Variants in POLQ observed in about 807,000 individuals in gnomAD.
The protein encoded by POLQ is epididymis secretory sperm binding protein.
In POLQ, 233 loss-of-function variants were observed where a neutral mutation model predicts 259.2. The observed-to-expected ratio is 0.90, with a 90% CI of 0.81 to 1.00. The LOEUF (loss-of-function observed/expected upper bound fraction) is 1.00, where lower values mean the gene tolerates loss of function less well. POLQ is among the 50% of genes least tolerant of loss of function. The probability of loss-of-function intolerance (pLI) is 0.00; values close to 1 mark genes in which losing one functional copy is unlikely to be tolerated. For synonymous variants in POLQ, 1,025 were observed against 1,048.8 expected, an observed-to-expected ratio of 0.98 and a Z score of 0.44; for missense variants, 2,871 against 3,051.6, an observed-to-expected ratio of 0.94 and a Z score of 1.39.
rs2048032864 is a variant in POLQ, at chr3:121,488,432, A to C, written c.4499T>G (p.Val1500Gly). The part of the protein sequence containing the change: ...LFDSFSDDYL[V>G]KEQLPDMQMK... ...TTGCATATCAGGTAATTGTTCTTTT[A>C]CTAGATAGTCATCACTGAAGCTATC... is the stretch of plus-strand genomic sequence containing the variant. Residue 1500 changes from valine (V) to glycine (G), a missense_variant, in exon 16 of 30, where the codon GTA (valine) becomes GGA (glycine). Physicochemically the swap from Val to Gly is moderately radical, Grantham distance 109. Coordinates refer to ENST00000264233, the MANE Select transcript of POLQ (RefSeq NM_199420.4). 1.2e-6 allele frequency: 2 copies of C among 1,612,708 alleles called. No individual in the cohort carries two copies. Among genetic ancestry groups the C allele is most frequent in the East Asian group, 4.5e-5 (2 of 44,838 alleles).
chr3:121,476,505 A>G (rs2047926637), intron 20 of POLQ, 35 bp downstream of exon 20: 2 of 1,471,304 alleles, frequency 1.4e-6, no homozygotes, highest in Non-Finnish European at 1.9e-6. Context: ...AACTCTAAAA[A>G]TTATGTATCT....
chr3:121,529,621 C>G, intron 7 of POLQ, 24 bp downstream of exon 7: 3 of 1,607,758 alleles, frequency 1.9e-6, no homozygotes, highest in Non-Finnish European at 2.6e-6. Context: ...AGCATGAAGG[C>G]TTTCCTTTCC....
At position 121,432,923 on chromosome 3, in the gene POLQ, C is replaced by A. The variant is rs768706265; in HGVS notation, c.7654G>T (p.Val2552Phe). 1 of 1,564,844 alleles carries A rather than the reference C, an allele frequency of 6.4e-7. No homozygotes were observed. Among genetic ancestry groups the A allele is most frequent in the Non-Finnish European group, 8.8e-7 (1 of 1,135,428 alleles). ...CACAAGCATTGCAAAAATACCTGAA[C>A]AACATCTTCTTCTGCCACTTCATAT... ...LLYEVAEEDV[V>F]QVAQIVKNEM... Residue 2552 changes from valine (V) to phenylalanine (F), a missense_variant, in exon 29 of 30, where the codon GTT becomes TTT. Physicochemically the swap from Val to Phe is conservative, Grantham distance 50 (BLOSUM62 -1). Transcript: ENST00000264233.
intron 25 of POLQ, among the ~76,000 whole-genome samples, chr3:121,453,689 T>TA (rs891663290): frequency 6.6e-6 from 1 of 151,364 alleles, no homozygotes; most frequent in African/African-American, 2.4e-5. Flanking sequence ...GAAAAAAGAG[T>TA]AAAAAGAAAC....
intron 8 of POLQ, among the ~76,000 whole-genome samples, chr3:121,520,900 C>CAA (rs2048331732): frequency 6.6e-6 from 1 of 152,050 alleles, no homozygotes. Flanking sequence ...ACGTGATGAA[C>CAA]AAAAACATGA....
Position 121,468,426 on chromosome 3 carries a change from T to G in POLQ, c.6724A>C (p.Ile2242Leu). Reference sequence around the variant, plus strand: ...TGAATATTTGGTTCTGTAAAGGTTATTCGTCCTAAAATCAAGCAGAATAAA... The same window carrying G: ...TGAATATTTGGTTCTGTAAAGGTTAGTCGTCCTAAAATCAAGCAGAATAAA... The part of the protein sequence containing the change: ...VSQSHTATGR[I>L]TFTEPNIQNV... Residue 2242 changes from isoleucine (I) to leucine (L), a missense_variant, in exon 23 of 30, where the codon ATA (isoleucine) becomes CTA (leucine). By Grantham distance (5) the Ile-to-Leu change is conservative. Around this residue, in one of 3 missense-constraint regions of POLQ, gnomAD observed 2,080 missense variants for 2,126.0 expected, o/e 0.98. Coordinates refer to ENST00000264233, the MANE Select transcript of POLQ (RefSeq NM_199420.4). The G allele has an allele frequency of 6.2e-7, 1 of 1,608,106 alleles. No homozygotes were observed. Among genetic ancestry groups the G allele is most frequent in the Non-Finnish European group, 8.5e-7 (1 of 1,175,444 alleles).
Position 121,545,877 on chromosome 3 carries a change from TG to T in POLQ, c.-1del. ...TTCCCACTCCGACGCAGAAGATTCA[TG>T]GCAAACTCTTCTCGGCCGATCAGGG... On this transcript the variant is annotated 5_prime_UTR_variant, in exon 1 of 30. Transcript: ENST00000264233. 6.2e-7 allele frequency: 1 copy of T among 1,613,790 alleles called. No individual in the cohort carries two copies. Among genetic ancestry groups the T allele is most frequent in the Non-Finnish European group, 8.5e-7 (1 of 1,179,968 alleles).
At chr3:121,464,668 C>T (rs1265362942) in intron 24 of POLQ, among the ~76,000 whole-genome samples, 1 of 152,134 alleles carries the variant, frequency 6.6e-6, no homozygotes, top group Non-Finnish European at 1.5e-5. Flanking sequence ...GAAAGTTCCA[C>T]AACCGACCTC....
chr3:121,459,983 C>G, intron 25 of POLQ, 67 bp downstream of exon 25: 1 of 1,223,814 alleles, frequency 8.2e-7, no homozygotes, highest in South Asian at 1.3e-5. Flanking sequence ...ATAATTGAGA[C>G]CATTTTTAAT....
At position 121,533,128 on chromosome 3, in the gene POLQ, C is replaced by T. The variant is rs761966956; in HGVS notation, c.822G>A (p.Val274=). 5 of 1,613,942 alleles carry T rather than the reference C, an allele frequency of 3.1e-6. No homozygotes were observed. Among genetic ancestry groups the T allele is most frequent in the Non-Finnish European group, 3.4e-6 (4 of 1,179,958 alleles). Reference sequence around the variant, plus strand: ...AGAGTTCAGCATTCAACCAGGAAGCCACAAGCTCCAAATTAGGAAGGGTAG... The same window carrying T: ...AGAGTTCAGCATTCAACCAGGAAGCTACAAGCTCCAAATTAGGAAGGGTAG... The part of the protein sequence containing the change: ...MSATLPNLEL[V]ASWLNAELYH... Residue 274 remains valine (V), a synonymous_variant, in exon 6 of 30, where the codon GTG becomes GTA. Transcript: ENST00000264233.
chr3:121,509,630 A>G lies in POLQ; in HGVS notation c.1890T>C (p.Asp630=). 1 of 1,613,764 alleles carries G rather than the reference A, an allele frequency of 6.2e-7. No individual in the cohort carries two copies. The highest frequency in any genetic ancestry group is 1.1e-5 in the South Asian group (1 of 91,072). ...TTGCTCTTTGCAGGTCAGCAAAAAT[A>G]TCTAAAGTATCAGCTGGAGAAAGTG... ...SSSLSPADTL[D]IFADLQRAMK... is the part of the protein sequence containing the mutation. Residue 630 remains aspartate (D), a synonymous_variant, in exon 12 of 30, where the codon GAT becomes GAC. Transcript: ENST00000264233.
intron 18 of POLQ, among the ~76,000 whole-genome samples, chr3:121,482,091 A>T (rs1316832079): frequency 3.3e-5 from 5 of 152,234 alleles, no homozygotes; most frequent in Admixed American, 3.3e-4. Flanking sequence ...TTGAAAAACA[A>T]GTGTGTCTCA....
At chr3:121,455,331 G>A (rs1176538937) in intron 25 of POLQ, among the ~76,000 whole-genome samples, 1 of 142,930 alleles carries the variant, frequency 7.0e-6, no homozygotes, top group African/African-American at 2.6e-5. Context: ...AACTAGAAAA[G>A]CAAGAGCAAA....
At position 121,494,176 on chromosome 3, in the gene POLQ, G is replaced by A. The variant is rs533495135; in HGVS notation, c.2279-455C>T. The A allele has an allele frequency of 2.5e-4, 275 of 1,093,234 alleles. No homozygotes were observed. The African/African-American group carries it at 3.9e-3, about 16-fold the overall frequency. 67.7% of individuals were successfully genotyped at this position (1,093,234 alleles called of 1,614,324 possible). A position where few individuals can be genotyped will look rare whatever the true frequency, so the allele number is the denominator to read the frequency against. On this transcript the variant is annotated intron_variant, in intron 14 of 29. Transcript: ENST00000264233. ...GGCCCCTGCTGTCGTGAAGAAGCAG[G>A]AGGCTAAGAAAGTGGTGAATCCCGT... is the stretch of plus-strand genomic sequence containing the variant.
intron 4 of POLQ, 34 bp downstream of exon 4, chr3:121,539,399 T>C: frequency 2.0e-6 from 3 of 1,496,078 alleles, no homozygotes; most frequent in Non-Finnish European, 2.8e-6. Flanking sequence ...AAAATAGCAA[T>C]AGAAAGTATT....
intron 12 of POLQ, among the ~76,000 whole-genome samples, chr3:121,502,159 T>A (rs1476892611): frequency 6.6e-6 from 1 of 152,204 alleles, no homozygotes; most frequent in Non-Finnish European, 1.5e-5. Flanking sequence ...TTCTCCTGAC[T>A]GATTTAAAAG....
rs2048488999 is a variant in POLQ at position 121,541,437 on chromosome 3, A to G, written c.386T>C (p.Ile129Thr). 2 of 1,611,750 alleles carry G rather than the reference A, an allele frequency of 1.2e-6. No individual in the cohort carries two copies. The highest frequency in any genetic ancestry group is 2.2e-5 in the South Asian group (2 of 90,668). The change falls in exon 3 of 30, where the codon ATT (isoleucine) becomes ACT (threonine). Residue 129 changes from isoleucine to threonine, a missense_variant. This residue lies in a region of POLQ where 783 missense variants were observed against 906.2 expected (regional missense o/e 0.86). Transcript: ENST00000264233. ...AGKTLVAELLILKRVLEMRKK... is the reference protein window; with the variant it reads ...AGKTLVAELLTLKRVLEMRKK... ...CCGCATTTCCAAAACCCGCTTCAAAATAAGTAATTCTGCCACAAGAGTCTT... is the reference window on the plus strand; with the variant it reads ...CCGCATTTCCAAAACCCGCTTCAAAGTAAGTAATTCTGCCACAAGAGTCTT...
At chr3:121,456,183 C>T (rs532596527) in intron 25 of POLQ, among the ~76,000 whole-genome samples, 114 of 152,240 alleles carry the variant, frequency 7.5e-4, no homozygotes, top group African/African-American at 1.0e-3. Context: ...AATTCAACAA[C>T]GCTTCATGCT....
At chr3:121,470,808 G>A (rs2047878128) in intron 22 of POLQ, among the ~76,000 whole-genome samples, 1 of 152,084 alleles carries the variant, frequency 6.6e-6, no homozygotes, top group Non-Finnish European at 1.5e-5. Context: ...ACATGGTTTT[G>A]ACTTTCTATA....
Sources: gnomAD v4.1 joint callset for allele counts (sites outside exome capture counted in the v4.1 genomes callset) on GRCh38, gnomAD v4.1.1 for gene constraint, gnomAD v4.1.1 regional missense constraint, MANE v1.5 for transcripts, NCBI Gene and HGNC (gene_info 2026-07-23, HGNC 2026-07-21) for gene names.